Variants in DAB1 observed in about 807,000 individuals in gnomAD.
DAB1 encodes DAB adaptor protein 1, also known as disabled homolog 1.
DAB1 carries 15 observed loss-of-function variants against 64.6 expected under a neutral mutation model. The observed-to-expected ratio is 0.23, with a 90% CI of 0.16 to 0.36. The LOEUF (loss-of-function observed/expected upper bound fraction) is 0.36, where lower values mean the gene tolerates loss of function less well. DAB1 is among the 10% of genes least tolerant of loss of function. The pLI is 1.00. For synonymous variants in DAB1, 235 were observed against 251.9 expected (o/e 0.93, Z 0.64); for missense variants, 596 against 706.7 (o/e 0.84, Z 1.78).
Position 57,145,419 on chromosome 1 carries a change from G to A in DAB1, c.78C>T (p.Arg26=). Residue 26 remains arginine, a synonymous_variant, in exon 3 of 15, where the codon CGC becomes CGT. Coordinates refer to ENST00000371236, the MANE Select transcript of DAB1 (RefSeq NM_001365792.1). ...ACCTCTTTATCAAAGTGGCTTCACT[G>A]CGATCCTGACCTAAAAAGAGAAAAA... The part of the protein sequence containing the change: ...KKDSRKKGQD[R]SEATLIKRFK... 4 of 1,613,960 alleles carry A rather than the reference G, an allele frequency of 2.5e-6. No homozygotes were observed. Among genetic ancestry groups the A allele is most frequent in the Non-Finnish European group, 3.4e-6 (4 of 1,179,906 alleles).
intron 5 of DAB1, among the ~76,000 whole-genome samples, chr1:57,954,982 C>T (rs986615907): frequency 1.3e-5 from 2 of 152,208 alleles, no homozygotes; most frequent in South Asian, 2.1e-4. Context: ...TGGTCTTAAA[C>T]TTGGTGAGAC....
intron 7 of DAB1, among the ~76,000 whole-genome samples, chr1:57,572,610 G>C (rs563697428): frequency 1.3e-5 from 2 of 152,062 alleles, no homozygotes; most frequent in Admixed American, 6.6e-5. Context: ...AAATATTTAG[G>C]CCTGGCATAT....
At chr1:57,413,996 C>T (rs909611430) in intron 1 of DAB1, among the ~76,000 whole-genome samples, 9 of 152,062 alleles carry the variant, frequency 5.9e-5, no homozygotes, top group African/African-American at 9.7e-5. Flanking sequence ...ACAACTTTAG[C>T]GGATAAGGAG....
chr1:58,214,983 G>A (rs1032017637), intron 4 of DAB1, among the ~76,000 whole-genome samples: 1 of 152,164 alleles, frequency 6.6e-6, no homozygotes, highest in African/African-American at 2.4e-5. Context: ...AGGTTTCAGA[G>A]GGCCTCTATC....
intron 1 of DAB1, among the ~76,000 whole-genome samples, chr1:57,336,349 G>C (rs1336242405): frequency 2.0e-5 from 3 of 152,184 alleles, no homozygotes; most frequent in Non-Finnish European, 4.4e-5. Context: ...CAAATAAAAG[G>C]ATTTGGTTTA....
At chr1:57,133,818 T>G (rs775211761) in intron 4 of DAB1, among the ~76,000 whole-genome samples, 3 of 152,120 alleles carry the variant, frequency 2.0e-5, no homozygotes, top group African/African-American at 4.8e-5. Context: ...TTCCAAATGA[T>G]AAAGGCCCAG....
chr1:58,208,185 C>T (rs1282988931), intron 4 of DAB1, among the ~76,000 whole-genome samples: 2 of 152,120 alleles, frequency 1.3e-5, no homozygotes, highest in Non-Finnish European at 2.9e-5. Flanking sequence ...AACTACAGTT[C>T]AAGATGAGAT....
chr1:58,340,497 C>T (rs745591879), intron 4 of DAB1, among the ~76,000 whole-genome samples: 1 of 152,176 alleles, frequency 6.6e-6, no homozygotes, highest in Non-Finnish European at 1.5e-5. Flanking sequence ...GTCATTAGAA[C>T]AGTAATACAG....
chr1:57,094,692 A>G (rs1209061637), intron 4 of DAB1, among the ~76,000 whole-genome samples: 1 of 152,200 alleles, frequency 6.6e-6, no homozygotes, highest in African/African-American at 2.4e-5. Context: ...TGAAACTGAT[A>G]TCAGAGAGTA....
intron 1 of DAB1, among the ~76,000 whole-genome samples, chr1:57,397,519 G>T (rs1682909143): frequency 6.6e-6 from 1 of 152,000 alleles, no homozygotes; most frequent in Non-Finnish European, 1.5e-5. Flanking sequence ...CCTGTTACTT[G>T]CCTGGCCCAG....
At chr1:57,932,671 C>T (rs1348345786) in intron 5 of DAB1, among the ~76,000 whole-genome samples, 2 of 151,958 alleles carry the variant, frequency 1.3e-5, no homozygotes, top group East Asian at 3.9e-4. Flanking sequence ...AGAATTTATC[C>T]CTTTACTATT....
intron 3 of DAB1, among the ~76,000 whole-genome samples, chr1:58,388,869 C>G (rs1185436354): frequency 6.6e-6 from 1 of 152,166 alleles, no homozygotes; most frequent in Non-Finnish European, 1.5e-5. Context: ...TGGAGAAGCT[C>G]AAGTGTGGAT....
chr1:58,334,647 A>G (rs920932566), intron 4 of DAB1, among the ~76,000 whole-genome samples: 10 of 147,946 alleles, frequency 6.8e-5, no homozygotes, highest in Non-Finnish European at 1.5e-4. Flanking sequence ...ATATCATATC[A>G]TATCATATTA....
At chr1:57,164,248 G>T (rs1661024557) in intron 2 of DAB1, among the ~76,000 whole-genome samples, 1 of 152,132 alleles carries the variant, frequency 6.6e-6, no homozygotes, top group East Asian at 1.9e-4. Flanking sequence ...CATGGCTGCT[G>T]CTTCTTAGCA....
intron 6 of DAB1, among the ~76,000 whole-genome samples, chr1:57,662,803 T>C (rs1290151635): frequency 6.6e-6 from 1 of 152,194 alleles, no homozygotes; most frequent in Non-Finnish European, 1.5e-5. Context: ...TGTGGACAGA[T>C]CACCTATGGG....
chr1:57,589,509 C>T (rs1336036848), intron 7 of DAB1, among the ~76,000 whole-genome samples: 2 of 152,150 alleles, frequency 1.3e-5, no homozygotes, highest in African/African-American at 4.8e-5. Flanking sequence ...GTAATTTCAG[C>T]ACTTTGGGAG....
At chr1:57,240,185 A>G (rs1668397846) in intron 2 of DAB1, among the ~76,000 whole-genome samples, 1 of 152,216 alleles carries the variant, frequency 6.6e-6, no homozygotes, top group South Asian at 2.1e-4. Context: ...TACCAAAATA[A>G]GACCTGGGGC....
chr1:58,518,216 G>C lies in DAB1; in HGVS notation n.107+9045C>G, dbSNP rs1335652097. On this transcript the variant is annotated intron_variant and non_coding_transcript_variant, in intron 2 of 20. Coordinates refer to the DAB1 transcript ENST00000485760. ...AAAAGAGGAGAGGGGAGAGGGGAGAGGGGAGAGGGGAGAGGGGAGAGGGGA... is the reference window on the plus strand; with the variant it reads ...AAAAGAGGAGAGGGGAGAGGGGAGACGGGAGAGGGGAGAGGGGAGAGGGGA... Among the ~76,000 whole-genome samples the C allele has an allele frequency of 7.1e-3, 28 of 3,918 alleles. 1 individual carries two copies. Among genetic ancestry groups the C allele is most frequent in the Non-Finnish European group, 0.015 (18 of 1,224 alleles). 2.6% of individuals were successfully genotyped at this position (3,918 alleles called of 152,430 possible).
chr1:57,431,143 C>CACACA (rs749097562), intron 7 of DAB1, among the ~76,000 whole-genome samples: 7 of 96,408 alleles, frequency 7.3e-5, no homozygotes, highest in African/African-American at 2.6e-4. Flanking sequence ...AGGCCAAAAA[C>CACACA]AAAAAAAAAA....
Sources: gnomAD v4.1 joint callset for allele counts (sites outside exome capture counted in the v4.1 genomes callset) on GRCh38, gnomAD v4.1.1 for gene constraint, MANE v1.5 for transcripts, NCBI Gene and HGNC (gene_info 2026-07-23, HGNC 2026-07-21) for gene names.